CCNY: variants seen among roughly 807,000 people sequenced by gnomAD.
CCNY encodes the protein cyclin-Y.
A neutral mutation model predicts 42.8 loss-of-function variants in CCNY; 19 were observed. The observed-to-expected ratio is 0.44, with a 90% confidence interval of 0.31 to 0.65. The LOEUF (loss-of-function observed/expected upper bound fraction) is 0.65, where lower values mean the gene tolerates loss of function less well. Among genes scored for constraint, CCNY ranks in the 30% least tolerant of loss-of-function variants. The probability of loss-of-function intolerance (pLI) is 0.07; values close to 1 mark genes in which losing one functional copy is unlikely to be tolerated. For missense variants in CCNY, 370 were observed against 437.3 expected (o/e 0.85, Z 1.37); for synonymous variants, 165 against 162.7 (o/e 1.01, Z -0.11).
At chr10:35,559,968 T>A (rs985768452) in intron 8 of CCNY, among the ~76,000 whole-genome samples, 10 of 152,208 alleles carry the variant, frequency 6.6e-5, no homozygotes, top group African/African-American at 2.4e-4. Context: ...TGCTGGACAC[T>A]GTGACCTCTT....
intron 3 of CCNY, among the ~76,000 whole-genome samples, chr10:35,313,121 T>C (rs1195262853): frequency 6.6e-6 from 1 of 152,138 alleles, no homozygotes; most frequent in Non-Finnish European, 1.5e-5. Context: ...CCAGGGATGA[T>C]GATCCCTTTC....
chr10:35,350,997 G>A (rs983707038), intron 1 of CCNY, among the ~76,000 whole-genome samples: 1 of 152,164 alleles, frequency 6.6e-6, no homozygotes, highest in African/African-American at 2.4e-5. Context: ...GAAATTGAAG[G>A]TGCCTTCCAA....
At chr10:35,405,996 C>A (rs987743442) in intron 1 of CCNY, among the ~76,000 whole-genome samples, 45 of 152,042 alleles carry the variant, frequency 3.0e-4, no homozygotes, top group African/African-American at 1.1e-3. Context: ...GTGGTTCAGG[C>A]GTTTGGAGTT....
chr10:35,501,651 G>A (rs1322198445), intron 3 of CCNY, 116 bp downstream of exon 3: 6 of 898,398 alleles, frequency 6.7e-6, no homozygotes, highest in Non-Finnish European at 1.1e-5. Flanking sequence ...TTGGAAGAAT[G>A]TTGCAGTGTA....
At chr10:35,452,416 CAG>C (rs1387703451) in intron 1 of CCNY, among the ~76,000 whole-genome samples, 4 of 152,202 alleles carry the variant, frequency 2.6e-5, no homozygotes, top group Non-Finnish European at 4.4e-5. Context: ...TAGTTCCTGT[CAG>C]ATCAGTAATA....
chr10:35,563,431 CTT>C (rs909086865), intron 8 of CCNY, among the ~76,000 whole-genome samples: 4 of 152,120 alleles, frequency 2.6e-5, no homozygotes, highest in African/African-American at 7.2e-5. Flanking sequence ...TTCTCTTAGA[CTT>C]TTCTTCTTAC....
At chr10:35,339,965 C>A in intron 1 of CCNY, among the ~76,000 whole-genome samples, 1 of 152,176 alleles carries the variant, frequency 6.6e-6, no homozygotes, top group East Asian at 1.9e-4. Context: ...CAATAGTAAT[C>A]TTCAGAACAA....
chr10:35,568,654 T>C (rs1386876292), intron 9 of CCNY, among the ~76,000 whole-genome samples: 1 of 152,202 alleles, frequency 6.6e-6, no homozygotes. Flanking sequence ...TCCAAGCCCG[T>C]GCTTCATGCC....
At chr10:35,526,797 C>T (rs942710471) in intron 5 of CCNY, among the ~76,000 whole-genome samples, 14 of 151,768 alleles carry the variant, frequency 9.2e-5, no homozygotes, top group Non-Finnish European at 1.8e-4. Context: ...TTCCTTTTAT[C>T]GGATCTTTCC....
intron 3 of CCNY, among the ~76,000 whole-genome samples, chr10:35,319,825 C>T (rs2135094351): frequency 6.6e-6 from 1 of 152,206 alleles, no homozygotes; most frequent in South Asian, 2.1e-4. Flanking sequence ...TGGTAGGCGC[C>T]TGTGATCCCA....
At chr10:35,492,965 C>G (rs1341413570) in intron 2 of CCNY, among the ~76,000 whole-genome samples, 1 of 152,098 alleles carries the variant, frequency 6.6e-6, no homozygotes, top group East Asian at 1.9e-4. Flanking sequence ...TCTCCCCTCT[C>G]CCCTCTGCAG....
At chr10:35,344,994 G>A (rs1234419530) in intron 1 of CCNY, among the ~76,000 whole-genome samples, 2 of 152,154 alleles carry the variant, frequency 1.3e-5, no homozygotes, top group South Asian at 4.1e-4. Flanking sequence ...ATTTGGGTTG[G>A]TTCCAAGTCT....
chr10:35,481,139 G>A (rs938316099), intron 1 of CCNY, among the ~76,000 whole-genome samples: 2 of 152,078 alleles, frequency 1.3e-5, no homozygotes, highest in African/African-American at 2.4e-5. Context: ...AATGACATAC[G>A]GTACATCGGT....
intron 3 of CCNY, among the ~76,000 whole-genome samples, chr10:35,258,371 T>C (rs1487480570): frequency 2.0e-5 from 3 of 152,182 alleles, no homozygotes. Context: ...TTTCCCTGTA[T>C]ATGCAGTTGC....
intron 3 of CCNY, among the ~76,000 whole-genome samples, chr10:35,266,112 C>T (rs1055558236): frequency 4.6e-5 from 7 of 152,084 alleles, no homozygotes; most frequent in Non-Finnish European, 7.4e-5. Context: ...GAGTCTTGCT[C>T]TGTCCCCCAG....
intron 3 of CCNY, among the ~76,000 whole-genome samples, chr10:35,277,706 C>T (rs1290319119): frequency 6.6e-6 from 1 of 151,998 alleles, no homozygotes; most frequent in Non-Finnish European, 1.5e-5. Context: ...GCCAGTGCAT[C>T]CTATGCCCAT....
At chr10:35,424,160 G>C (rs1031051330) in intron 1 of CCNY, among the ~76,000 whole-genome samples, 11 of 152,192 alleles carry the variant, frequency 7.2e-5, no homozygotes, top group African/African-American at 2.7e-4. Flanking sequence ...GATTGAATGA[G>C]TCAGTATACC....
intron 1 of CCNY, among the ~76,000 whole-genome samples, chr10:35,404,087 G>C (rs184498460): frequency 5.3e-5 from 8 of 152,358 alleles, no homozygotes; most frequent in African/African-American, 1.9e-4. Flanking sequence ...AGGAGCCAGG[G>C]AGCAGAAAGT....
chr10:35,386,145 C>G (rs1348013926), intron 1 of CCNY, among the ~76,000 whole-genome samples: 1 of 152,182 alleles, frequency 6.6e-6, no homozygotes, highest in Non-Finnish European at 1.5e-5. Context: ...AGCTACTGAC[C>G]TGGGGATGCT....
Sources: gnomAD v4.1 joint callset for allele counts (sites outside exome capture counted in the v4.1 genomes callset) on GRCh38, gnomAD v4.1.1 for gene constraint, MANE v1.5 for transcripts, NCBI Gene and HGNC (gene_info 2026-07-23, HGNC 2026-07-21) for gene names.